VWA8: variants seen among roughly 807,000 people sequenced by gnomAD.
VWA8 encodes the protein von Willebrand factor A domain-containing protein 8.
A neutral mutation model predicts 241.5 loss-of-function variants in VWA8; 221 were observed. The observed-to-expected ratio is 0.91, with a 90% CI of 0.82 to 1.02. VWA8 has a LOEUF of 1.02. VWA8 is among the 50% of genes least tolerant of loss of function. The pLI is 0.00. For missense variants in VWA8, 2,322 were observed against 2,328.7 expected (o/e 1.00, Z 0.06); for synonymous variants, 852 against 827.1 (o/e 1.03, Z -0.52).
intron 37 of VWA8, among the ~76,000 whole-genome samples, chr13:41,621,180 AT>A (rs1210940757): frequency 6.6e-6 from 1 of 152,232 alleles, no homozygotes; most frequent in African/African-American, 2.4e-5. Context: ...TTAGTATAAT[AT>A]TTAATAAGTT....
chr13:41,883,639 C>G (rs1874372808), intron 8 of VWA8, 148 bp from the exon 9 acceptor site: 1 of 589,976 alleles, frequency 1.7e-6, no homozygotes, highest in South Asian at 2.0e-5. Context: ...AGCAAATATT[C>G]ATTATTTTCT....
At position 41,901,740 on chromosome 13, in the gene VWA8, C is replaced by T. The variant is rs140656850; in HGVS notation, c.483+5846G>A. Among the ~76,000 whole-genome samples, 252 of 151,158 alleles carry T rather than the reference C, an allele frequency of 1.7e-3. 2 individuals carry two copies. Among genetic ancestry groups the T allele is most frequent in the African/African-American group, 5.6e-3 (232 of 41,164 alleles). On this transcript the variant is annotated intron_variant, in intron 4 of 44. Coordinates refer to ENST00000379310, the MANE Select transcript of VWA8 (RefSeq NM_015058.2). Reference sequence around the variant, plus strand: ...AATTACCCAAATGTGATGGTGCGCACCTGTAGTCCCAGTTACTCGGGAGGC... The same window carrying T: ...AATTACCCAAATGTGATGGTGCGCATCTGTAGTCCCAGTTACTCGGGAGGC...
chr13:41,837,602 C>T (rs1353953825), intron 12 of VWA8, among the ~76,000 whole-genome samples: 1 of 152,116 alleles, frequency 6.6e-6, no homozygotes, highest in Non-Finnish European at 1.5e-5. Flanking sequence ...GTTTGTAGTA[C>T]CATGAAATTA....
chr13:41,653,475 C>T (rs1009391261), intron 37 of VWA8, among the ~76,000 whole-genome samples: 4 of 152,174 alleles, frequency 2.6e-5, no homozygotes, highest in African/African-American at 9.7e-5. Flanking sequence ...GTTAAAATGG[C>T]CACACTGCCC....
At chr13:41,807,689 G>A (rs540773631) in intron 17 of VWA8, 87 of 152,352 alleles carry the variant, frequency 5.7e-4, no homozygotes, top group African/African-American at 1.9e-3. Context: ...TGGGCACAGT[G>A]GTGCATGCCT....
At chr13:41,774,091 T>C (rs952255511) in intron 20 of VWA8, among the ~76,000 whole-genome samples, 24 of 152,294 alleles carry the variant, frequency 1.6e-4, no homozygotes, top group African/African-American at 4.8e-4. Flanking sequence ...TAAATTCATA[T>C]TACTTCTAAA....
In VWA8 at chr13:41,783,788, C is replaced by A. The variant is rs41288293; in HGVS notation, c.2277+7G>T. The A allele has an allele frequency of 1.2e-6, 2 of 1,603,534 alleles. No individual in the cohort carries two copies. Among genetic ancestry groups the A allele is most frequent in the Admixed American group, 3.4e-5 (2 of 59,656 alleles). On this transcript the variant is annotated splice_region_variant and intron_variant, in intron 19 of 44. Coordinates refer to ENST00000379310, the MANE Select transcript of VWA8 (RefSeq NM_015058.2). ...ATTTATCCAAGAACACAAAGCAATA[C>A]TCTTACCTGAATGTTGTCATAGAAA...
intron 37 of VWA8, among the ~76,000 whole-genome samples, chr13:41,644,769 C>A (rs2044820108): frequency 6.6e-6 from 1 of 152,216 alleles, no homozygotes; most frequent in African/African-American, 2.4e-5. Flanking sequence ...ATAGCTTACA[C>A]TGATTTCAGT....
In VWA8 at chr13:41,675,296, T is replaced by G. The variant is rs2045052848; in HGVS notation, c.4328A>C (p.Asp1443Ala). 1 of 1,609,288 alleles carries G rather than the reference T, an allele frequency of 6.2e-7. No individual in the cohort carries two copies. Among genetic ancestry groups the G allele is most frequent in the African/African-American group, 1.3e-5 (1 of 74,704 alleles). ...EVPLKDIYPK[D>A]VTPPQTSGYI... The stretch of plus-strand genomic sequence containing the variant: ...ACCAGATGTTTGTGGAGGAGTAACA[T>G]CTACAAACAAGTCATGACATGAGCC... Residue 1443 changes from aspartate to alanine, a missense_variant and splice_region_variant, in exon 36 of 45, where the codon GAT becomes GCT. By Grantham distance (126) the Asp-to-Ala change is moderately radical. Coordinates refer to ENST00000379310, the MANE Select transcript of VWA8 (RefSeq NM_015058.2).
At chr13:41,652,057 A>C (rs2044872700) in intron 37 of VWA8, among the ~76,000 whole-genome samples, 1 of 152,210 alleles carries the variant, frequency 6.6e-6, no homozygotes, top group African/African-American at 2.4e-5. Context: ...GGATAAGGCC[A>C]AATTGGGGCC....
chr13:41,799,269 G>A (rs1285653703), intron 17 of VWA8, among the ~76,000 whole-genome samples: 1 of 152,102 alleles, frequency 6.6e-6, no homozygotes, highest in Non-Finnish European at 1.5e-5. Context: ...AAAAGTATTT[G>A]CCACAGATTG....
intron 19 of VWA8, among the ~76,000 whole-genome samples, chr13:41,778,940 A>C (rs1181100547): frequency 1.5e-5 from 2 of 137,462 alleles, no homozygotes; most frequent in African/African-American, 5.5e-5. Flanking sequence ...CTCCTGGGTT[A>C]ACGCCATTCT....
rs148884216 is a variant in VWA8 at position 41,833,451 on chromosome 13, C to T, written c.1506G>A (p.Val502=). The part of the protein sequence containing the change: ...GDTAWRSSPL[V]NAALEGKLVL... ...CCAGCTTGCCTTCCAGAGCAGCATT[C>T]ACAAGGGGTGAGGACCGCCAGGCAG... The change falls in exon 13 of 45, where the codon GTG becomes GTA. Residue 502 remains valine, a synonymous_variant. Coordinates refer to ENST00000379310, the MANE Select transcript of VWA8 (RefSeq NM_015058.2). 1 of 1,614,056 alleles carries T rather than the reference C, an allele frequency of 6.2e-7. No homozygotes were observed. Among genetic ancestry groups the T allele is most frequent in the Admixed American group, 1.7e-5 (1 of 59,994 alleles).
At chr13:41,676,925 C>T (rs2137804365) in intron 35 of VWA8, among the ~76,000 whole-genome samples, 1 of 152,140 alleles carries the variant, frequency 6.6e-6, no homozygotes, top group African/African-American at 2.4e-5. Flanking sequence ...GAGCCACCAC[C>T]CCCAGCCTGT....
At chr13:41,858,911 C>T (rs2138040293) in intron 12 of VWA8, among the ~76,000 whole-genome samples, 1 of 152,058 alleles carries the variant, frequency 6.6e-6, no homozygotes, top group African/African-American at 2.4e-5. Flanking sequence ...GCTACAGACT[C>T]ATATAAAAAA....
chr13:41,587,490 T>A (rs542423888), intron 42 of VWA8, 22 bp downstream of exon 42: 1 of 1,613,822 alleles, frequency 6.2e-7, no homozygotes, highest in Admixed American at 1.7e-5. Flanking sequence ...TGCCTCTCAT[T>A]ATTCTTAGTT....
At chr13:41,604,100 C>T (rs1441085795) in intron 40 of VWA8, among the ~76,000 whole-genome samples, 1 of 152,126 alleles carries the variant, frequency 6.6e-6, no homozygotes, top group Admixed American at 6.6e-5. Flanking sequence ...ACTCTCACCT[C>T]CTCTGAATCA....
chr13:41,877,616 G>GA (rs1399457594), intron 9 of VWA8, among the ~76,000 whole-genome samples: 1 of 151,950 alleles, frequency 6.6e-6, no homozygotes, highest in African/African-American at 2.4e-5. Context: ...AAGTTTCTTA[G>GA]AAAAAAACTA....
intron 14 of VWA8, among the ~76,000 whole-genome samples, chr13:41,829,530 T>TACAC (rs71096546): frequency 0.038 from 5,367 of 139,756 alleles, 105 homozygotes; most frequent in African/African-American, 0.049. Context: ...GGAAATGTGA[T>TACAC]ACACACACAC....
Sources: gnomAD v4.1 joint callset for allele counts (sites outside exome capture counted in the v4.1 genomes callset) on GRCh38, gnomAD v4.1.1 for gene constraint, MANE v1.5 for transcripts, NCBI Gene and HGNC (gene_info 2026-07-23, HGNC 2026-07-21) for gene names.